The following CARMIL1 variants were observed in gnomAD, a reference collection of about 807,000 sequenced individuals.
CARMIL1 encodes F-actin-uncapping protein LRRC16A.
A neutral mutation model predicts 177.1 loss-of-function variants in CARMIL1; 90 were observed. The ratio of observed to expected loss-of-function variants is 0.51; its 90% confidence interval spans 0.43 to 0.61. The LOEUF is 0.61. Ranked by LOEUF, CARMIL1 falls within the 20% of genes least tolerant of loss-of-function variation. The pLI, the probability that CARMIL1 is intolerant of heterozygous loss-of-function variation, is 0.00. For missense variants in CARMIL1, 1,380 were observed against 1,667.0 expected (o/e 0.83, Z 3.00); for synonymous variants, 577 against 606.2 (o/e 0.95, Z 0.71).
At chr6:25,330,520 A>C (rs1785517707) in intron 2 of CARMIL1, among the ~76,000 whole-genome samples, 1 of 152,144 alleles carries the variant, frequency 6.6e-6, no homozygotes, top group Non-Finnish European at 1.5e-5. Flanking sequence ...GGTTTCAACC[A>C]AGTTAGAAAA....
intron 32 of CARMIL1, among the ~76,000 whole-genome samples, chr6:25,596,570 TA>T (rs1443044630): frequency 6.6e-5 from 10 of 152,324 alleles, no homozygotes; most frequent in African/African-American, 2.4e-4. Flanking sequence ...GTTTCATTTT[TA>T]GATAGTACTG....
At chr6:25,366,290 C>G (rs1789789980) in intron 2 of CARMIL1, among the ~76,000 whole-genome samples, 1 of 152,148 alleles carries the variant, frequency 6.6e-6, no homozygotes, top group African/African-American at 2.4e-5. Context: ...AGCCACCATA[C>G]ATGGCCTTTC....
At chr6:25,498,549 A>ATTCC in intron 16 of CARMIL1, among the ~76,000 whole-genome samples, 1 of 152,206 alleles carries the variant, frequency 6.6e-6, no homozygotes, top group African/African-American at 2.4e-5. Context: ...CACATGTGAG[A>ATTCC]AAAGTAGGAA....
chr6:25,546,979 C>T (rs1039232764), intron 26 of CARMIL1, among the ~76,000 whole-genome samples: 4 of 150,156 alleles, frequency 2.7e-5, no homozygotes, highest in African/African-American at 7.3e-5. Flanking sequence ...AGCTTGAACC[C>T]GGGAGATGGA....
chr6:25,297,164 G>A lies in CARMIL1; in HGVS notation c.138+12255G>A, dbSNP rs562290212. On this transcript the variant is annotated intron_variant, in intron 2 of 36. Coordinates refer to ENST00000329474, the MANE Select transcript of CARMIL1 (RefSeq NM_017640.6). Reference sequence around the variant, plus strand: ...CCAGCATCCTTGGGACAGCACAAATGTTGAAGTTTGGGGAAACATTTTGTA... The same window carrying A: ...CCAGCATCCTTGGGACAGCACAAATATTGAAGTTTGGGGAAACATTTTGTA... Among the ~76,000 whole-genome samples, 158 of 152,346 alleles carry A rather than the reference G, an allele frequency of 1.0e-3. 1 individual carries two copies. Among genetic ancestry groups the A allele is most frequent in the African/African-American group, 3.4e-3 (140 of 41,584 alleles).
chr6:25,520,072 A>G (rs943493890), intron 22 of CARMIL1, among the ~76,000 whole-genome samples, 172 bp from the exon 23 acceptor site: 1 of 152,220 alleles, frequency 6.6e-6, no homozygotes, highest in African/African-American at 2.4e-5. Context: ...GTATTTGCAC[A>G]TGTGGTTATT....
At chr6:25,500,343 A>G (rs1804189887) in intron 17 of CARMIL1, 108 bp downstream of exon 17, 2 of 888,712 alleles carry the variant, frequency 2.3e-6, no homozygotes, top group Non-Finnish European at 3.5e-6. Context: ...TAAATGAAGC[A>G]GAAAAATAAA....
intron 1 of CARMIL1, among the ~76,000 whole-genome samples, chr6:25,281,320 T>C (rs1781104684): frequency 6.6e-6 from 1 of 151,944 alleles, no homozygotes; most frequent in East Asian, 1.9e-4. Flanking sequence ...TGAAGACGCC[T>C]CCAGAGGTCC....
At position 25,415,646 on chromosome 6, in the gene CARMIL1, C is replaced by T. The variant is rs371081671; in HGVS notation, c.139-4468C>T. 2.6e-5 allele frequency among the ~76,000 whole-genome samples: 4 copies of T among 152,004 alleles called. No homozygotes were observed. In the East Asian group the frequency reaches 5.8e-4, roughly 22 times the overall value. ...TTATTAATTAGATTCACACAGGGGA[C>T]GTTGTAATCACTTAATAGCCAATAT... On this transcript the variant is annotated intron_variant, in intron 2 of 36. Transcript: ENST00000329474.
chr6:25,564,982 G>A (rs571300472), intron 29 of CARMIL1, among the ~76,000 whole-genome samples: 3 of 152,278 alleles, frequency 2.0e-5, no homozygotes, highest in African/African-American at 7.2e-5. Context: ...AAGGTTCTAT[G>A]CATCATGCCT....
intron 2 of CARMIL1, 79 bp from the exon 3 acceptor site, chr6:25,420,035 T>TA: frequency 9.2e-7 from 1 of 1,087,066 alleles, no homozygotes; most frequent in African/African-American, 1.5e-5. Flanking sequence ...TCAGTATCAT[T>TA]AAAGTCCCGT....
At chr6:25,463,206 A>T (rs1275352183) in intron 8 of CARMIL1, among the ~76,000 whole-genome samples, 2 of 152,222 alleles carry the variant, frequency 1.3e-5, no homozygotes, top group Non-Finnish European at 2.9e-5. Context: ...CTAACAAGGT[A>T]TCCTTATGAC....
Position 25,515,599 on chromosome 6 carries a change from C to G in CARMIL1, c.1633-76C>G. ...TGCAGTAGGTCCATCCCCTCTCATT[C>G]TCCACGAAATGCGTCGTGGAGAGTG... On this transcript the variant is annotated intron_variant, in intron 20 of 36. Transcript: ENST00000329474. The surrounding 1 kb of genome is among the most constrained non-coding windows in gnomAD (Gnocchi z 5.0). 6 of 1,390,746 alleles carry G rather than the reference C, an allele frequency of 4.3e-6. No homozygotes were observed. The highest frequency in any genetic ancestry group is 4.9e-6 in the Non-Finnish European group (5 of 1,025,582). The allele number at this position is 1,390,746 out of a possible 1,614,324, so 86.2% of individuals were successfully genotyped here.
intron 2 of CARMIL1, among the ~76,000 whole-genome samples, chr6:25,400,347 G>A (rs193277303): frequency 6.6e-6 from 1 of 152,260 alleles, no homozygotes; most frequent in East Asian, 1.9e-4. Context: ...TATCTTCAGT[G>A]CTTTAGATGA....
intron 35 of CARMIL1, among the ~76,000 whole-genome samples, chr6:25,608,841 G>A (rs1466953944): frequency 6.6e-6 from 1 of 152,118 alleles, no homozygotes; most frequent in African/African-American, 2.4e-5. Flanking sequence ...ACACTCACAC[G>A]CCAACTTAAG....
chr6:25,415,801 A>G (rs1562107258), intron 2 of CARMIL1, among the ~76,000 whole-genome samples: 1 of 152,228 alleles, frequency 6.6e-6, no homozygotes, highest in East Asian at 1.9e-4. Flanking sequence ...ATTGGTGTCT[A>G]TTGTCTTGCA....
chr6:25,532,554 A>G (rs962991259), intron 24 of CARMIL1, among the ~76,000 whole-genome samples: 3 of 152,212 alleles, frequency 2.0e-5, no homozygotes, highest in African/African-American at 7.2e-5. Flanking sequence ...ACCTGAATAT[A>G]GAAAGGATAG....
chr6:25,491,789 A>T lies in CARMIL1; in HGVS notation c.1123A>T (p.Thr375Ser). 1 of 1,599,968 alleles carries T rather than the reference A, an allele frequency of 6.3e-7. No homozygotes were observed. Reference protein sequence around the residue: ...NAIVHLDLSNTECSLDMVCGA... With the variant: ...NAIVHLDLSNSECSLDMVCGA... ...CATTGTTCATCTGGATTTATCCAATACAGAATGTTCCCTGGACATGGTAAA... is the reference window on the plus strand; with the variant it reads ...CATTGTTCATCTGGATTTATCCAATTCAGAATGTTCCCTGGACATGGTAAA... The change falls in exon 14 of 37, where the codon ACA (threonine) becomes TCA (serine). Residue 375 changes from threonine to serine, a missense_variant. Physicochemically the swap from Thr to Ser is moderately conservative, Grantham distance 58. Coordinates refer to ENST00000329474, the MANE Select transcript of CARMIL1 (RefSeq NM_017640.6).
chr6:25,527,032 G>T (rs949851545), intron 23 of CARMIL1, among the ~76,000 whole-genome samples: 1 of 152,084 alleles, frequency 6.6e-6, no homozygotes, highest in Non-Finnish European at 1.5e-5. Context: ...CTAAAATACA[G>T]ATTTTTTGTG....
Sources: gnomAD v4.1 joint callset for allele counts (sites outside exome capture counted in the v4.1 genomes callset) on GRCh38, gnomAD v4.1.1 for gene constraint, Gnocchi (gnomAD v3.1) non-coding constraint, MANE v1.5 for transcripts, NCBI Gene and HGNC (gene_info 2026-07-23, HGNC 2026-07-21) for gene names.